Variants in FBXL17 observed in about 807,000 individuals in gnomAD.
The protein encoded by FBXL17 is F-box/LRR-repeat protein 17.
In FBXL17, 22 loss-of-function variants were observed where a neutral mutation model predicts 66.2. That is an observed-to-expected ratio of 0.33 (90% CI 0.24 to 0.47). The LOEUF is 0.47. Ranked by LOEUF, FBXL17 falls within the 20% of genes least tolerant of loss-of-function variation. The pLI is 1.00. For synonymous variants in FBXL17, 474 were observed against 400.5 expected (o/e 1.18, Z -2.19); for missense variants, 878 against 948.2 (o/e 0.93, Z 0.97).
intron 4 of FBXL17, chr5:108,299,621 C>T (rs1160961723): frequency 3.1e-6 from 3 of 971,880 alleles, no homozygotes; most frequent in Admixed American, 6.2e-5. Flanking sequence ...AATACCTATA[C>T]TTCAAAATGC....
At chr5:108,370,266 A>G (rs1319878314) in intron 1 of FBXL17, among the ~76,000 whole-genome samples, 1 of 152,146 alleles carries the variant, frequency 6.6e-6, no homozygotes, top group Admixed American at 6.5e-5. Context: ...TTAGTCAAGG[A>G]TTTGTTGTAA....
At chr5:108,371,647 C>T (rs914562683) in intron 1 of FBXL17, among the ~76,000 whole-genome samples, 6 of 151,876 alleles carry the variant, frequency 4.0e-5, no homozygotes, top group Non-Finnish European at 7.4e-5. Flanking sequence ...TAAAGAAAAC[C>T]GTGGACAAAG....
At chr5:108,016,243 C>T (rs1468785643) in intron 7 of FBXL17, among the ~76,000 whole-genome samples, 1 of 152,032 alleles carries the variant, frequency 6.6e-6, no homozygotes, top group Non-Finnish European at 1.5e-5. Context: ...ATCAGTACTG[C>T]GATCAAGAAT....
At chr5:108,211,118 G>A (rs923774105) in intron 5 of FBXL17, among the ~76,000 whole-genome samples, 9 of 152,100 alleles carry the variant, frequency 5.9e-5, no homozygotes, top group African/African-American at 9.7e-5. Flanking sequence ...TTTTATCAGA[G>A]ATTACTATTG....
chr5:108,005,170 T>G (rs1753878065), intron 7 of FBXL17, among the ~76,000 whole-genome samples: 1 of 152,086 alleles, frequency 6.6e-6, no homozygotes, highest in African/African-American at 2.4e-5. Context: ...CTGGGTGATT[T>G]TGCTGCCTCG....
intron 7 of FBXL17, among the ~76,000 whole-genome samples, chr5:107,952,372 T>C (rs188610635): frequency 6.6e-6 from 1 of 152,314 alleles, no homozygotes; most frequent in Non-Finnish European, 1.5e-5. Flanking sequence ...CCACTATAAC[T>C]GAAACTATTT....
chr5:108,008,222 T>C (rs288188), intron 7 of FBXL17, among the ~76,000 whole-genome samples: 23,654 of 152,224 alleles, frequency 0.16, 2,222 homozygotes, highest in East Asian at 0.3. Context: ...TTCTAGCGCT[T>C]AAAATTTTGT....
chr5:107,993,677 T>G (rs980987283), intron 7 of FBXL17, among the ~76,000 whole-genome samples: 1 of 152,226 alleles, frequency 6.6e-6, no homozygotes, highest in Non-Finnish European at 1.5e-5. Flanking sequence ...CATTTTTACA[T>G]CTGATGTCTA....
chr5:108,296,149 T>C (rs896286229), intron 4 of FBXL17, among the ~76,000 whole-genome samples: 11 of 151,694 alleles, frequency 7.3e-5, no homozygotes, highest in Admixed American at 7.2e-4. Flanking sequence ...TTCCAAAGCT[T>C]AGACACTAAA....
intron 6 of FBXL17, among the ~76,000 whole-genome samples, chr5:108,156,236 CT>C (rs1751992460): frequency 6.6e-6 from 1 of 151,876 alleles, no homozygotes; most frequent in African/African-American, 2.4e-5. Context: ...TATTTATTTA[CT>C]TTTTTGTGTC....
chr5:108,236,721 G>C (rs1348545178), intron 4 of FBXL17, among the ~76,000 whole-genome samples: 1 of 152,096 alleles, frequency 6.6e-6, no homozygotes, highest in Non-Finnish European at 1.5e-5. Context: ...GCATAGCAAG[G>C]CTAATTTCTG....
At chr5:108,163,398 T>TC (rs201809627) in intron 6 of FBXL17, among the ~76,000 whole-genome samples, 3,645 of 92,156 alleles carry the variant, frequency 0.04, 144 homozygotes, top group African/African-American at 0.11. Flanking sequence ...CTTTTTTTTT[T>TC]CTTTTTTTTT....
intron 7 of FBXL17, among the ~76,000 whole-genome samples, chr5:108,007,275 CTCAG>C (rs762489883): frequency 2.0e-5 from 3 of 152,100 alleles, no homozygotes; most frequent in Non-Finnish European, 2.9e-5. Context: ...TAACTTGGCT[CTCAG>C]TCAGTCAATC....
intron 4 of FBXL17, among the ~76,000 whole-genome samples, chr5:108,345,576 T>C (rs191144270): frequency 2.9e-4 from 43 of 150,128 alleles, no homozygotes; most frequent in African/African-American, 1.0e-3. Flanking sequence ...TGTGGCATTC[T>C]AGATACAATT....
At chr5:107,987,306 TTA>T (rs1753053345) in intron 7 of FBXL17, among the ~76,000 whole-genome samples, 2 of 147,648 alleles carry the variant, frequency 1.4e-5, no homozygotes, top group South Asian at 4.3e-4. Flanking sequence ...TTTTTTTTTT[TTA>T]ACCAACAATC....
chr5:107,945,664 GCAAAGGAATGATATA>G (rs2112596866), intron 7 of FBXL17, among the ~76,000 whole-genome samples: 1 of 152,270 alleles, frequency 6.6e-6, no homozygotes, highest in Non-Finnish European at 1.5e-5. Flanking sequence ...TTCAAAATCT[GCAAAGGAATGATATA>G]CATTGTTTAC....
chr5:108,146,613 A>C (rs1390072322), intron 6 of FBXL17, among the ~76,000 whole-genome samples: 1 of 152,212 alleles, frequency 6.6e-6, no homozygotes, highest in Non-Finnish European at 1.5e-5. Flanking sequence ...TTTAAGCATT[A>C]AGGACTAAAG....
At chr5:108,256,104 G>C (rs1756566619) in intron 4 of FBXL17, among the ~76,000 whole-genome samples, 1 of 152,116 alleles carries the variant, frequency 6.6e-6, no homozygotes, top group Admixed American at 6.6e-5. Flanking sequence ...TCTCCTGGCA[G>C]GTATTACATA....
intron 4 of FBXL17, among the ~76,000 whole-genome samples, chr5:108,282,809 T>C (rs1042549864): frequency 6.6e-6 from 1 of 151,540 alleles, no homozygotes; most frequent in Non-Finnish European, 1.5e-5. Context: ...TAACTGAAGT[T>C]GCAGGATACA....
Sources: allele counts gnomAD v4.1 joint callset (sites outside exome capture counted in the v4.1 genomes callset), GRCh38; gene constraint gnomAD v4.1.1; transcripts MANE v1.5; gene names NCBI Gene and HGNC (gene_info 2026-07-23, HGNC 2026-07-21).